SMYD3: variants seen among roughly 807,000 people sequenced by gnomAD.
The protein encoded by SMYD3 is SET and MYND domain containing 3, also known as histone-lysine N-methyltransferase SMYD3.
A neutral mutation model predicts 57.7 loss-of-function variants in SMYD3; 36 were observed. The observed-to-expected ratio is 0.62, with a 90% CI of 0.48 to 0.82. The LOEUF (loss-of-function observed/expected upper bound fraction) is 0.82, where lower values mean the gene tolerates loss of function less well. Among genes scored for constraint, SMYD3 ranks in the 40% least tolerant of loss-of-function variants. SMYD3 has a pLI of 0.00. For synonymous variants in SMYD3, 211 were observed against 195.0 expected, an observed-to-expected ratio of 1.08 and a Z score of -0.68; for missense variants, 515 against 538.8, an observed-to-expected ratio of 0.96 and a Z score of 0.44.
chr1:246,426,089 G>T (rs1463126037), intron 1 of SMYD3: 1 of 152,096 alleles, frequency 6.6e-6, no homozygotes, highest in Non-Finnish European at 1.5e-5. Flanking sequence ...AAAGTCAATT[G>T]AGATAACTCA....
At position 246,069,129 on chromosome 1, in the gene SMYD3, C is replaced by T. The variant is rs549870790; in HGVS notation, c.532-139192G>A. Among the ~76,000 whole-genome samples, 29 of 152,258 alleles carry T rather than the reference C, an allele frequency of 1.9e-4. 1 individual carries two copies. In the South Asian group the frequency reaches 5.6e-3, roughly 29 times the overall value. On this transcript the variant is annotated intron_variant, in intron 5 of 11. Transcript: ENST00000490107. ...GCTGTAGCTGGAGCACAGAGATAAC[C>T]GCCCCCAGTCACACAGCCTGTCTGC...
chr1:246,273,135 C>CTTTTTTTTTTTTTTTTTTT lies in SMYD3; in HGVS notation c.531+54065_531+54066insAAAAAAAAAAAAAAAAAAA, dbSNP rs71299006. ...TGATTCATAATAATGTCCCTGTTTT[C>CTTTTTTTTTTTTTTTTTTT]TTTTTTTTTTTTTTTTTCTTTTTTT... On this transcript the variant is annotated intron_variant, in intron 5 of 11. Coordinates refer to ENST00000490107, the MANE Select transcript of SMYD3 (RefSeq NM_001167740.2). 4.6e-4 allele frequency among the ~76,000 whole-genome samples: 49 copies of CTTTTTTTTTTTTTTTTTTT among 107,596 alleles called. 1 individual carries two copies. The highest frequency in any genetic ancestry group is 1.1e-3 in the African/African-American group (30 of 27,386). 70.6% of individuals were successfully genotyped at this position (107,596 alleles called of 152,430 possible).
At chr1:245,813,472 G>T (rs931026215) in intron 10 of SMYD3, among the ~76,000 whole-genome samples, 3 of 152,160 alleles carry the variant, frequency 2.0e-5, no homozygotes, top group Non-Finnish European at 4.4e-5. Flanking sequence ...GGTTGTCTAT[G>T]CTACAGAATC....
intron 1 of SMYD3, among the ~76,000 whole-genome samples, chr1:246,401,727 CTTTT>C (rs11320119): frequency 3.0e-5 from 4 of 132,220 alleles, no homozygotes; most frequent in Admixed American, 7.4e-5. Flanking sequence ...AATTCAGGTG[CTTTT>C]TTTTTTTTTT....
intron 5 of SMYD3, among the ~76,000 whole-genome samples, chr1:246,071,134 A>T (rs2060434800): frequency 6.6e-6 from 1 of 152,234 alleles, no homozygotes. Flanking sequence ...TATGTAATAA[A>T]CATAGATATC....
chr1:246,331,834 A>G (rs1572390246), intron 3 of SMYD3, among the ~76,000 whole-genome samples: 2 of 152,316 alleles, frequency 1.3e-5, no homozygotes, highest in South Asian at 4.1e-4. Flanking sequence ...GGTTATTATT[A>G]TATCTGTTAC....
chr1:245,995,084 T>A (rs182290241), intron 5 of SMYD3, among the ~76,000 whole-genome samples: 2 of 152,014 alleles, frequency 1.3e-5, no homozygotes, highest in East Asian at 3.9e-4. Context: ...AGAGCAAGAC[T>A]CCGTCTCAAA....
At chr1:245,993,587 T>TAGATAGATAGATAGATAGAC (rs1469823094) in intron 5 of SMYD3, among the ~76,000 whole-genome samples, 86 of 13,926 alleles carry the variant, frequency 6.2e-3, no homozygotes, top group Non-Finnish European at 0.011. Context: ...AAAAGATAGA[T>TAGATAGATAGATAGATAGAC]AGATAGATAG....
At chr1:245,833,068 A>ACAAAAC (rs2049931536) in intron 10 of SMYD3, among the ~76,000 whole-genome samples, 2 of 88,820 alleles carry the variant, frequency 2.3e-5, no homozygotes, top group Non-Finnish European at 6.6e-5. Flanking sequence ...ACAAAAAAAA[A>ACAAAAC]AAAAAAACCT....
chr1:245,789,595 T>G (rs1197455674), intron 10 of SMYD3, among the ~76,000 whole-genome samples: 1 of 152,202 alleles, frequency 6.6e-6, no homozygotes, highest in Non-Finnish European at 1.5e-5. Context: ...AATTGTGTGG[T>G]CTGTATTCTG....
intron 7 of SMYD3, among the ~76,000 whole-genome samples, chr1:245,915,905 G>C (rs577554087): frequency 6.1e-4 from 92 of 152,048 alleles, no homozygotes; most frequent in African/African-American, 2.1e-3. Flanking sequence ...ACCCACTTTT[G>C]TATCTTAGTT....
At chr1:246,318,965 G>A (rs1480553657) in intron 5 of SMYD3, among the ~76,000 whole-genome samples, 1 of 152,156 alleles carries the variant, frequency 6.6e-6, no homozygotes, top group African/African-American at 2.4e-5. Flanking sequence ...AAATGGCTAC[G>A]AATGAAGAAC....
At chr1:246,205,253 C>T (rs2062980627) in intron 5 of SMYD3, among the ~76,000 whole-genome samples, 1 of 152,208 alleles carries the variant, frequency 6.6e-6, no homozygotes. Flanking sequence ...CAAGAAAATA[C>T]TTAGGTGTCA....
intron 1 of SMYD3, among the ~76,000 whole-genome samples, chr1:246,386,987 T>TG (rs1393473026): frequency 1.3e-5 from 2 of 152,088 alleles, no homozygotes; most frequent in African/African-American, 4.8e-5. Context: ...TAATATCCTT[T>TG]GGGGAACTAC....
At chr1:245,783,848 C>T (rs1052497842) in intron 10 of SMYD3, among the ~76,000 whole-genome samples, 5 of 152,154 alleles carry the variant, frequency 3.3e-5, no homozygotes, top group Admixed American at 2.0e-4. Context: ...ATACCATGTA[C>T]AGTATCTGTA....
At chr1:246,283,672 C>T (rs900346965) in intron 5 of SMYD3, among the ~76,000 whole-genome samples, 1 of 152,136 alleles carries the variant, frequency 6.6e-6, no homozygotes, top group African/African-American at 2.4e-5. Context: ...TTCTGTGAGA[C>T]CAGAAGAAAT....
At chr1:245,915,948 G>GT (rs1200959561) in intron 7 of SMYD3, among the ~76,000 whole-genome samples, 13 of 152,156 alleles carry the variant, frequency 8.5e-5, no homozygotes, top group Admixed American at 7.2e-4. Context: ...AAAAACTGTT[G>GT]TATGTTTACT....
At chr1:246,281,030 T>C (rs1572331925) in intron 5 of SMYD3, among the ~76,000 whole-genome samples, 2 of 152,342 alleles carry the variant, frequency 1.3e-5, no homozygotes, top group East Asian at 3.9e-4. Flanking sequence ...TAAAACCTAA[T>C]GCACTCAATA....
At chr1:246,312,001 A>G (rs2065088616) in intron 5 of SMYD3, among the ~76,000 whole-genome samples, 1 of 152,200 alleles carries the variant, frequency 6.6e-6, no homozygotes, top group Non-Finnish European at 1.5e-5. Flanking sequence ...CATAAAGGCA[A>G]TGCAACAATG....
Sources: allele counts gnomAD v4.1 joint callset (sites outside exome capture counted in the v4.1 genomes callset), GRCh38; gene constraint gnomAD v4.1.1; transcripts MANE v1.5; gene names NCBI Gene and HGNC (gene_info 2026-07-23, HGNC 2026-07-21).